PLB1: variants seen among roughly 807,000 people sequenced by gnomAD.
PLB1 encodes the protein phospholipase B1, membrane-associated.
Under a neutral mutation model 227.4 loss-of-function variants are expected in PLB1, and 242 were observed. The observed-to-expected ratio is 1.06, with a 90% CI of 0.96 to 1.18. The LOEUF (loss-of-function observed/expected upper bound fraction) is 1.18. Among genes scored for constraint, PLB1 ranks in the 50% most tolerant of loss-of-function variants. The probability of loss-of-function intolerance (pLI) is 0.00; values close to 1 mark genes in which losing one functional copy is unlikely to be tolerated. For synonymous variants in PLB1, 757 were observed against 682.2 expected, an observed-to-expected ratio of 1.11 and a Z score of -1.71; for missense variants, 1,858 against 1,816.3, an observed-to-expected ratio of 1.02 and a Z score of -0.42.
At chr2:28,636,655 A>C (rs1411392066) in intron 56 of PLB1, among the ~76,000 whole-genome samples, 3 of 152,188 alleles carry the variant, frequency 2.0e-5, no homozygotes, top group Middle Eastern at 3.2e-3. Context: ...GTCTGACCGC[A>C]TCTGTGGCTT....
rs1237601551 is a variant in PLB1, at chr2:28,618,419, C to T, written c.3315+20C>T. On this transcript the variant is annotated intron_variant, in intron 46 of 57. Coordinates refer to ENST00000327757, the MANE Select transcript of PLB1 (RefSeq NM_153021.5). ...CTGACTGTGAGTAGTGAGCCATGAA[C>T]CAGGATGGGCAGCTCAGAGTCCAGC... 3 of 1,612,256 alleles carry T rather than the reference C, an allele frequency of 1.9e-6. No homozygotes were observed. The highest frequency in any genetic ancestry group is 2.5e-6 in the Non-Finnish European group (3 of 1,178,382).
In PLB1 at chr2:28,642,839, C is replaced by A; in HGVS notation, c.4174-19C>A. 1 of 1,560,154 alleles carries A rather than the reference C, an allele frequency of 6.4e-7. No homozygotes were observed. Among genetic ancestry groups the A allele is most frequent in the South Asian group, 1.2e-5 (1 of 85,418 alleles). ...GTTCACGGAGATCCTTTCCACTGAC[C>A]CCCGCTCCTCCTCCACAGGAGAGCC... On this transcript the variant is annotated intron_variant, in intron 57 of 57. Transcript: ENST00000327757.
chr2:28,617,592 T>C, intron 44 of PLB1, 135 bp from the exon 45 acceptor site: 1 of 825,438 alleles, frequency 1.2e-6, no homozygotes, highest in Non-Finnish European at 2.0e-6. Context: ...TCACAGTTCT[T>C]TCCCTCACAT....
chr2:28,606,746 CAA>C (rs903540075), intron 43 of PLB1, among the ~76,000 whole-genome samples, 179 bp downstream of exon 43: 3 of 152,052 alleles, frequency 2.0e-5, no homozygotes, highest in African/African-American at 4.8e-5. Context: ...AGAGGGGAGA[CAA>C]GAGTGCAGCT....
chr2:28,596,109 A>T (rs1209171940), intron 33 of PLB1: 2 of 152,184 alleles, frequency 1.3e-5, no homozygotes, highest in Non-Finnish European at 2.9e-5. Flanking sequence ...ATATGACTGA[A>T]ACTCCTTCAA....
chr2:28,609,470 T>C (rs1406645035), intron 43 of PLB1, among the ~76,000 whole-genome samples: 2 of 152,064 alleles, frequency 1.3e-5, no homozygotes, highest in African/African-American at 4.8e-5. Context: ...AATAAGTTCA[T>C]GTATCATACC....
chr2:28,618,356 C>T lies in PLB1; in HGVS notation c.3272C>T (p.Pro1091Leu). The change falls in exon 46 of 58, where the codon CCA becomes CTA. Residue 1091 changes from proline to leucine, a missense_variant. Physicochemically the swap from Pro to Leu is moderately conservative, Grantham distance 98 (BLOSUM62 -3). Transcript: ENST00000327757. ...TCTCCCCTAGTCCACCAGCTCCGAC[C>T]AGCAGACATCAAAGTGGTGGCCGCC... ...SVPTSVHQLRPADIKVVAALG... is the reference protein window; with the variant it reads ...SVPTSVHQLRLADIKVVAALG... The T allele has an allele frequency of 6.2e-7, 1 of 1,614,156 alleles. No individual in the cohort carries two copies. The highest frequency in any genetic ancestry group is 1.1e-5 in the South Asian group (1 of 91,088).
chr2:28,598,177 A>G, intron 34 of PLB1, 129 bp downstream of exon 34: 2 of 774,716 alleles, frequency 2.6e-6, no homozygotes, highest in Non-Finnish European at 4.2e-6. Flanking sequence ...AGTAGGAGAC[A>G]GGAGGCTATG....
chr2:28,571,573 C>CGT (rs1553433576), intron 20 of PLB1, among the ~76,000 whole-genome samples: 1 of 151,860 alleles, frequency 6.6e-6, no homozygotes, highest in Non-Finnish European at 1.5e-5. Flanking sequence ...GTAATCAAGA[C>CGT]GTGGTACTAG....
At chr2:28,504,532 C>A (rs1056190083) in intron 1 of PLB1, among the ~76,000 whole-genome samples, 8 of 152,246 alleles carry the variant, frequency 5.3e-5, no homozygotes, top group Admixed American at 2.0e-4. Flanking sequence ...CACTTGAGGT[C>A]AGGAGTTCGA....
Position 28,504,087 on chromosome 2 carries a change from C to G in PLB1, c.55+7918C>G, listed in dbSNP as rs1274330132. Among the ~76,000 whole-genome samples, 85 of 152,202 alleles carry G rather than the reference C, an allele frequency of 5.6e-4. 1 individual carries two copies. Among genetic ancestry groups the G allele is most frequent in the Non-Finnish European group, 2.9e-5 (2 of 68,032 alleles). ...TTACTTCCATCAGTTTTGAAAAATT[C>G]TCAACCAGTATCTCTTGAAATGTTG... On this transcript the variant is annotated intron_variant, in intron 1 of 57. Transcript: ENST00000327757.
chr2:28,550,839 C>T lies in PLB1; in HGVS notation c.1083+755C>T, dbSNP rs369304435. ...ACAGATGTGAGCCACTACGCCCAGCCATTCCATGTGGTTCTTAACATCCTG... is the reference window on the plus strand; with the variant it reads ...ACAGATGTGAGCCACTACGCCCAGCTATTCCATGTGGTTCTTAACATCCTG... On this transcript the variant is annotated intron_variant, in intron 16 of 57. Coordinates refer to ENST00000327757, the MANE Select transcript of PLB1 (RefSeq NM_153021.5). Among the ~76,000 whole-genome samples, 28 of 152,286 alleles carry T rather than the reference C, an allele frequency of 1.8e-4. No homozygotes were observed. The East Asian group carries it at 2.9e-3, about 16-fold the overall frequency.
At chr2:28,588,311 A>G (rs1681268560) in intron 26 of PLB1, among the ~76,000 whole-genome samples, 1 of 152,054 alleles carries the variant, frequency 6.6e-6, no homozygotes, top group African/African-American at 2.4e-5. Flanking sequence ...AACATCCTCC[A>G]TTTACTAAAA....
Position 28,529,478 on chromosome 2 carries a change from T to G in PLB1, c.416+71T>G, listed in dbSNP as rs780730098. On this transcript the variant is annotated intron_variant, in intron 7 of 57. Transcript: ENST00000327757. ...GTCTTCAACATATAGGTGGGAGGAT[T>G]TGGGGGGCTGGCAAAGTCAAAGAGG... The G allele has an allele frequency of 3.3e-5, 44 of 1,328,906 alleles. 1 individual carries two copies. The highest frequency in any genetic ancestry group is 3.6e-4 in the Middle Eastern group (2 of 5,546). The allele number at this position is 1,328,906 out of a possible 1,614,324, so 82.3% of individuals were successfully genotyped here. A position where few individuals can be genotyped will look rare whatever the true frequency, so the allele number is the denominator to read the frequency against.
chr2:28,641,034 C>T (rs1218491432), intron 57 of PLB1, 33 bp downstream of exon 57: 2 of 1,597,688 alleles, frequency 1.3e-6, no homozygotes, highest in Middle Eastern at 1.7e-4. Flanking sequence ...CCAGGTGGAA[C>T]AGATGCCTGG....
chr2:28,592,746 T>C, intron 32 of PLB1, 27 bp downstream of exon 32: 1 of 1,611,676 alleles, frequency 6.2e-7, no homozygotes, highest in Non-Finnish European at 8.5e-7. Flanking sequence ...CCCAGGTGGT[T>C]TGGGGATAAC....
At chr2:28,639,143 G>A (rs1268397500) in intron 56 of PLB1, among the ~76,000 whole-genome samples, 2 of 152,038 alleles carry the variant, frequency 1.3e-5, no homozygotes, top group Non-Finnish European at 2.9e-5. Flanking sequence ...AAGAGTGTAA[G>A]GCCAACTACC....
intron 20 of PLB1, among the ~76,000 whole-genome samples, chr2:28,569,310 T>G (rs765755036): frequency 3.3e-5 from 5 of 152,226 alleles, no homozygotes. Flanking sequence ...TTATTTCTAA[T>G]TCAGTCCATA....
chr2:28,526,027 G>T (rs1365906714), intron 6 of PLB1, 82 bp downstream of exon 6: 4 of 1,496,320 alleles, frequency 2.7e-6, no homozygotes, highest in Non-Finnish European at 3.7e-6. Context: ...TAAAGAGAAT[G>T]GACACCACCA....
Sources: allele counts gnomAD v4.1 joint callset (sites outside exome capture counted in the v4.1 genomes callset), GRCh38; gene constraint gnomAD v4.1.1; transcripts MANE v1.5; gene names NCBI Gene and HGNC (gene_info 2026-07-23, HGNC 2026-07-21).